LAMA1: variants seen among roughly 807,000 people sequenced by gnomAD.
LAMA1 encodes the protein laminin subunit alpha-1.
A neutral mutation model predicts 348.7 loss-of-function variants in LAMA1; 219 were observed. That is an observed-to-expected ratio of 0.63 (90% confidence interval 0.56 to 0.70). The LOEUF (loss-of-function observed/expected upper bound fraction) is 0.70. Among genes scored for constraint, LAMA1 ranks in the 30% least tolerant of loss-of-function variants. The probability of loss-of-function intolerance (pLI) is 0.00; values close to 1 mark genes in which losing one functional copy is unlikely to be tolerated. For synonymous variants in LAMA1, 1,487 were observed against 1,491.0 expected, an observed-to-expected ratio of 1.00 and a Z score of 0.06; for missense variants, 3,744 against 3,888.0, an observed-to-expected ratio of 0.96 and a Z score of 0.99.
At position 7,035,427 on chromosome 18, in the gene LAMA1, A is replaced by T. The variant is rs181596401; in HGVS notation, c.1839+560T>A. Among the ~76,000 whole-genome samples the T allele has an allele frequency of 1.0e-2, 1,476 of 148,060 alleles. 69 individuals are homozygous for T. In the East Asian group the frequency reaches 0.14, roughly 14 times the overall value. On this transcript the variant is annotated intron_variant, in intron 13 of 62. Coordinates refer to ENST00000389658, the MANE Select transcript of LAMA1 (RefSeq NM_005559.4). The stretch of plus-strand genomic sequence containing the variant: ...AAAATTTGTCTCCTTTTTACTTAAA[A>T]TTTTTTTTTTTTTGAGATAGGCTCT...
chr18:7,033,455 C>CAA lies in LAMA1; in HGVS notation c.2052-362_2052-361dup, dbSNP rs10686154. Among the ~76,000 whole-genome samples, 974 of 109,888 alleles carry CAA rather than the reference C, an allele frequency of 8.9e-3. 38 individuals are homozygous for CAA. The highest frequency in any genetic ancestry group is 0.028 in the African/African-American group (818 of 29,468). 72.1% of individuals were successfully genotyped at this position (109,888 alleles called of 152,430 possible). On this transcript the variant is annotated intron_variant, in intron 14 of 62. Coordinates refer to ENST00000389658, the MANE Select transcript of LAMA1 (RefSeq NM_005559.4). ...TGGGTGATAGAGGGAGACTCTGTCT[C>CAA]AAAAAAAAAAAAAAAGACTTAAATC... is the stretch of plus-strand genomic sequence containing the variant.
chr18:7,018,553 G>A (rs1012380816), intron 19 of LAMA1, among the ~76,000 whole-genome samples: 6 of 151,276 alleles, frequency 4.0e-5, no homozygotes, highest in Non-Finnish European at 8.8e-5. Context: ...CTGCCACCAC[G>A]CCTGGCTAAT....
At chr18:6,963,712 G>A (rs1009017113) in intron 51 of LAMA1, among the ~76,000 whole-genome samples, 1 of 152,202 alleles carries the variant, frequency 6.6e-6, no homozygotes, top group South Asian at 2.1e-4. Flanking sequence ...CCCACTCCCT[G>A]CAAGCTGTCT....
chr18:7,114,635 G>A (rs1325675556), intron 1 of LAMA1, among the ~76,000 whole-genome samples: 3 of 152,018 alleles, frequency 2.0e-5, no homozygotes, highest in Non-Finnish European at 2.9e-5. Context: ...CCATTTTACA[G>A]ACAGTGAAAC....
chr18:7,033,733 G>A (rs867335194), intron 14 of LAMA1, among the ~76,000 whole-genome samples: 2 of 130,988 alleles, frequency 1.5e-5, no homozygotes, highest in Admixed American at 1.5e-4. Flanking sequence ...TGTGTTAGAT[G>A]CATACAACTT....
chr18:6,951,785 C>A (rs1272855962), intron 57 of LAMA1, among the ~76,000 whole-genome samples: 2 of 152,270 alleles, frequency 1.3e-5, no homozygotes, highest in East Asian at 3.9e-4. Context: ...GAGGAAGAAG[C>A]AACAGGATTT....
At chr18:7,099,899 A>G (rs1003140843) in intron 1 of LAMA1, among the ~76,000 whole-genome samples, 2 of 151,834 alleles carry the variant, frequency 1.3e-5, no homozygotes, top group African/African-American at 4.8e-5. Context: ...TCTACTAAAA[A>G]ATACAAAAAA....
At chr18:7,025,455 A>G (rs1243449494) in intron 17 of LAMA1, among the ~76,000 whole-genome samples, 2 of 152,134 alleles carry the variant, frequency 1.3e-5, no homozygotes, top group East Asian at 3.9e-4. Context: ...TCACGACCAC[A>G]CTGAGTCCCC....
intron 18 of LAMA1, among the ~76,000 whole-genome samples, chr18:7,023,952 C>T (rs9954298): frequency 0.011 from 1,640 of 152,262 alleles, 24 homozygotes; most frequent in African/African-American, 0.038. Context: ...GATTCTCCTG[C>T]CTCAGCCTCC....
chr18:7,044,192 T>C (rs936948046), intron 7 of LAMA1, among the ~76,000 whole-genome samples: 3 of 145,990 alleles, frequency 2.1e-5, no homozygotes, highest in Middle Eastern at 3.4e-3. Context: ...AAAAGCGATA[T>C]GTACAATGGC....
rs1217158656 is a variant in LAMA1, at chr18:6,985,286, C to T, written c.5611G>A (p.Ala1871Thr). 1 of 1,614,064 alleles carries T rather than the reference C, an allele frequency of 6.2e-7. No homozygotes were observed. Among genetic ancestry groups the T allele is most frequent in the Non-Finnish European group, 8.5e-7 (1 of 1,180,036 alleles). Reference sequence around the variant, plus strand: ...TGGAACTCAGCGGCATGGTCCTCAGCTCTGTAGACCAGGTCGACTGCGTTC... The same window carrying T: ...TGGAACTCAGCGGCATGGTCCTCAGTTCTGTAGACCAGGTCGACTGCGTTC... ...QRNAVDLVYRAEDHAAEFQRL... is the reference protein window; with the variant it reads ...QRNAVDLVYRTEDHAAEFQRL... Residue 1871 changes from alanine (A) to threonine (T), a missense_variant, in exon 39 of 63, where the codon GCT (alanine) becomes ACT (threonine). Transcript: ENST00000389658.
chr18:7,082,567 T>C (rs2058197334), intron 1 of LAMA1, among the ~76,000 whole-genome samples: 1 of 152,230 alleles, frequency 6.6e-6, no homozygotes, highest in South Asian at 2.1e-4. Flanking sequence ...GTTTATTCTA[T>C]TTAGTACTAA....
At chr18:7,082,098 A>G (rs1365302196) in intron 1 of LAMA1, among the ~76,000 whole-genome samples, 1 of 152,204 alleles carries the variant, frequency 6.6e-6, no homozygotes, top group East Asian at 1.9e-4. Flanking sequence ...ATCTATTAAA[A>G]AAATACATTA....
At chr18:7,085,482 G>A (rs921583280) in intron 1 of LAMA1, among the ~76,000 whole-genome samples, 6 of 132,394 alleles carry the variant, frequency 4.5e-5, no homozygotes, top group African/African-American at 8.8e-5. Flanking sequence ...GCAGTGGCAC[G>A]ATCTCCGCTC....
chr18:7,014,738 T>C (rs9956362), intron 22 of LAMA1, among the ~76,000 whole-genome samples: 74,102 of 152,060 alleles, frequency 0.49, 19,905 homozygotes, highest in African/African-American at 0.72. Context: ...GGAGGCCTCA[T>C]GGTTTGGACA....
intron 1 of LAMA1, among the ~76,000 whole-genome samples, chr18:7,107,827 C>A (rs145529919): frequency 0.02 from 3,001 of 146,888 alleles, 83 homozygotes; most frequent in African/African-American, 0.064. Flanking sequence ...GTCCTGGCTA[C>A]CATGGTGAAA....
intron 51 of LAMA1, among the ~76,000 whole-genome samples, chr18:6,962,963 A>C (rs190653147): frequency 7.2e-4 from 110 of 152,288 alleles, no homozygotes; most frequent in African/African-American, 2.6e-3. Flanking sequence ...AATTTCCAAA[A>C]TATGGAGACC....
intron 56 of LAMA1, 131 bp downstream of exon 56, chr18:6,956,503 GCA>G: frequency 1.4e-6 from 2 of 1,436,768 alleles, no homozygotes; most frequent in Admixed American, 3.4e-5. Context: ...CTGATTTTTA[GCA>G]CAGCTCCAGC....
chr18:6,972,047 G>C, intron 47 of LAMA1, 66 bp from the exon 48 acceptor site: 1 of 1,594,968 alleles, frequency 6.3e-7, no homozygotes. Context: ...CATTCTCCAA[G>C]TGCACAAAAC....
Sources: allele counts gnomAD v4.1 joint callset (sites outside exome capture counted in the v4.1 genomes callset), GRCh38; gene constraint gnomAD v4.1.1; transcripts MANE v1.5; gene names NCBI Gene and HGNC (gene_info 2026-07-23, HGNC 2026-07-21).